The following PTPRO variants were observed in gnomAD, a reference collection of about 807,000 sequenced individuals.
PTPRO encodes the protein protein tyrosine phosphatase receptor type O.
Under a neutral mutation model 145.2 loss-of-function variants are expected in PTPRO, and 62 were observed. The observed-to-expected ratio is 0.43, with a 90% CI of 0.35 to 0.53. The LOEUF is 0.53. PTPRO is among the 20% of genes least tolerant of loss of function. PTPRO has a pLI of 0.01. For missense variants in PTPRO, 1,345 were observed against 1,482.7 expected, an observed-to-expected ratio of 0.91 and a Z score of 1.53; for synonymous variants, 565 against 514.7, an observed-to-expected ratio of 1.10 and a Z score of -1.32.
chr12:15,358,768 T>C (rs1446066330), intron 1 of PTPRO, among the ~76,000 whole-genome samples: 3 of 152,240 alleles, frequency 2.0e-5, no homozygotes, highest in Non-Finnish European at 2.9e-5. Context: ...CAGATGTTGC[T>C]GATAAAATGT....
At position 15,462,936 on chromosome 12, in the gene PTPRO, T is replaced by A. The variant is rs114202540; in HGVS notation, c.76-21038T>A. Among the ~76,000 whole-genome samples, 629 of 152,278 alleles carry A rather than the reference T, an allele frequency of 4.1e-3. 5 individuals are homozygous for A. The highest frequency in any genetic ancestry group is 0.014 in the African/African-American group (595 of 41,574). ...TAATCAATTAAACAAATGCATCAGG[T>A]TAATAGTATTTCTTATTCCAATGAA... On this transcript the variant is annotated intron_variant, in intron 1 of 26. Coordinates refer to ENST00000281171, the MANE Select transcript of PTPRO (RefSeq NM_030667.3).
intron 1 of PTPRO, among the ~76,000 whole-genome samples, chr12:15,436,891 T>C (rs1225033100): frequency 6.6e-6 from 1 of 152,170 alleles, no homozygotes; most frequent in African/African-American, 2.4e-5. Context: ...CTGCTACAGT[T>C]GCGGTTTCTT....
At chr12:15,573,919 A>G (rs1307244694) in intron 19 of PTPRO, among the ~76,000 whole-genome samples, 1 of 152,224 alleles carries the variant, frequency 6.6e-6, no homozygotes, top group East Asian at 1.9e-4. Context: ...AAGGAAAAAA[A>G]TGTTCCTAAC....
chr12:15,560,354 C>A, intron 17 of PTPRO, 78 bp downstream of exon 17: 1 of 1,132,806 alleles, frequency 8.8e-7, no homozygotes, highest in South Asian at 1.3e-5. Context: ...AGGAAAGTTT[C>A]TTTTTAACTA....
At chr12:15,424,350 T>C (rs953010462) in intron 1 of PTPRO, among the ~76,000 whole-genome samples, 1 of 152,174 alleles carries the variant, frequency 6.6e-6, no homozygotes, top group Non-Finnish European at 1.5e-5. Context: ...AATGTTATGT[T>C]GATCATATTT....
At chr12:15,351,745 T>C (rs1026374860) in intron 1 of PTPRO, among the ~76,000 whole-genome samples, 21 of 152,190 alleles carry the variant, frequency 1.4e-4, no homozygotes, top group African/African-American at 4.1e-4. Flanking sequence ...CTTAAACTGG[T>C]TGGAGTTGAA....
At chr12:15,428,314 G>A (rs868374221) in intron 1 of PTPRO, among the ~76,000 whole-genome samples, 3 of 152,116 alleles carry the variant, frequency 2.0e-5, no homozygotes, top group Non-Finnish European at 2.9e-5. Context: ...TAGCACTCTC[G>A]TTGTCTGTTC....
In PTPRO at chr12:15,530,276, T is replaced by C. The variant is rs148100252; in HGVS notation, c.2164+4014T>C. 6.5e-3 allele frequency among the ~76,000 whole-genome samples: 993 copies of C among 152,278 alleles called. 13 individuals carry two copies. Among genetic ancestry groups the C allele is most frequent in the African/African-American group, 0.023 (951 of 41,550 alleles). On this transcript the variant is annotated intron_variant, in intron 12 of 26. Transcript: ENST00000281171. ...GAACAGATAGACTTAATTACAGTGA[T>C]AGGAGGGGACTTCAACACCCCACTC...
Position 15,597,352 on chromosome 12 carries a change from T to C in PTPRO, c.*1279T>C, listed in dbSNP as rs566657395. 1.3e-5 allele frequency: 2 copies of C among 152,302 alleles called. No homozygotes were observed. The highest frequency in any genetic ancestry group is 4.1e-4 in the South Asian group (2 of 4,828). 9.4% of individuals were successfully genotyped at this position (152,302 alleles called of 1,614,324 possible). On this transcript the variant is annotated 3_prime_UTR_variant, in exon 27 of 27. Transcript: ENST00000281171. ...CATGGATATACAACAGAAAACACTT[T>C]GAGTTGAAAGTAAACACAAGCTGGC...
At chr12:15,415,396 T>C (rs1490248917) in intron 1 of PTPRO, among the ~76,000 whole-genome samples, 1 of 151,862 alleles carries the variant, frequency 6.6e-6, no homozygotes, top group Non-Finnish European at 1.5e-5. Context: ...ATTTTTTTTT[T>C]TTTTTTGAGA....
chr12:15,491,327 G>A (rs934158778), intron 2 of PTPRO, among the ~76,000 whole-genome samples: 11 of 152,172 alleles, frequency 7.2e-5, no homozygotes, highest in African/African-American at 2.2e-4. Context: ...GCTAAACAGA[G>A]CAATCTCAGA....
At chr12:15,326,208 T>C (rs1052063984) in intron 1 of PTPRO, among the ~76,000 whole-genome samples, 3 of 152,214 alleles carry the variant, frequency 2.0e-5, no homozygotes, top group Admixed American at 2.0e-4. Flanking sequence ...AGGTGAACCA[T>C]AATCCTTTCA....
At chr12:15,550,687 G>A (rs1943433072) in intron 14 of PTPRO, among the ~76,000 whole-genome samples, 1 of 152,208 alleles carries the variant, frequency 6.6e-6, no homozygotes, top group Non-Finnish European at 1.5e-5. Context: ...CTGGAGCCAA[G>A]CTGGCCCAAA....
chr12:15,429,408 A>G (rs1591803604), intron 1 of PTPRO, among the ~76,000 whole-genome samples: 1 of 152,172 alleles, frequency 6.6e-6, no homozygotes, highest in Admixed American at 6.6e-5. Flanking sequence ...CAGGATGATG[A>G]TGATCTAAGA....
chr12:15,521,345 A>T (rs1942716972), intron 10 of PTPRO, among the ~76,000 whole-genome samples: 1 of 152,202 alleles, frequency 6.6e-6, no homozygotes, highest in Non-Finnish European at 1.5e-5. Flanking sequence ...CCAGATGTTA[A>T]TAGTAATATT....
chr12:15,581,543 G>GTTGTA lies in PTPRO; in HGVS notation c.3133-134_3133-133insGTATT, dbSNP rs59691739. On this transcript the variant is annotated intron_variant, in intron 22 of 26. Transcript: ENST00000281171. ...GAATTCACACTACGTAGCAGAAATG[G>GTTGTA]TTTGCTTTATGTTTCATCTTCACCA... 0.21 allele frequency: 211,560 copies of GTTGTA among 1,029,300 alleles called. 24,477 individuals carry two copies. The highest frequency in any genetic ancestry group is 0.38 in the African/African-American group (23,822 of 62,516). The allele number at this position is 1,029,300 out of a possible 1,614,324, so 63.8% of individuals were successfully genotyped here.
chr12:15,408,648 G>A (rs1039098029), intron 1 of PTPRO, among the ~76,000 whole-genome samples: 12 of 152,214 alleles, frequency 7.9e-5, no homozygotes, highest in African/African-American at 2.9e-4. Flanking sequence ...GGCTGGTCTT[G>A]AACTCCTGAC....
chr12:15,451,419 C>T (rs1941043400), intron 1 of PTPRO, among the ~76,000 whole-genome samples: 1 of 152,094 alleles, frequency 6.6e-6, no homozygotes, highest in Admixed American at 6.5e-5. Flanking sequence ...ATTCCACTGA[C>T]AGCACTAGAC....
At chr12:15,578,757 C>A in intron 19 of PTPRO, 96 bp from the exon 20 acceptor site, 1 of 955,360 alleles carries the variant, frequency 1.0e-6, no homozygotes, top group Non-Finnish European at 1.7e-6. Flanking sequence ...ACTGCAATGT[C>A]ATATAGCAAA....
Sources: allele counts gnomAD v4.1 joint callset (sites outside exome capture counted in the v4.1 genomes callset), GRCh38; gene constraint gnomAD v4.1.1; transcripts MANE v1.5; gene names NCBI Gene and HGNC (gene_info 2026-07-23, HGNC 2026-07-21).